The following BSN variants were observed in gnomAD, a reference collection of about 807,000 sequenced individuals.
BSN encodes bassoon presynaptic cytomatrix protein, also known as protein bassoon.
A neutral mutation model predicts 264.8 loss-of-function variants in BSN; 57 were observed. The observed-to-expected ratio is 0.22, with a 90% CI of 0.17 to 0.27. BSN has a LOEUF of 0.27. Among genes scored for constraint, BSN ranks in the 10% least tolerant of loss-of-function variants. The pLI is 1.00. For missense variants in BSN, 4,615 were observed against 5,232.5 expected (o/e 0.88, Z 3.64); for synonymous variants, 2,059 against 2,137.3 (o/e 0.96, Z 1.01).
intron 1 of BSN, among the ~76,000 whole-genome samples, chr3:49,606,423 G>A (rs1368454820): frequency 1.4e-5 from 2 of 143,094 alleles, no homozygotes; most frequent in African/African-American, 5.3e-5. Flanking sequence ...CATTCATATT[G>A]TTCTTCTAAG....
intron 1 of BSN, among the ~76,000 whole-genome samples, chr3:49,623,305 T>A (rs139493194): frequency 6.6e-6 from 1 of 152,334 alleles, no homozygotes; most frequent in East Asian, 1.9e-4. Flanking sequence ...CCCTGTTTCC[T>A]GAGTGCCAGC....
Position 49,667,625 on chromosome 3 carries a change from C to A in BSN, c.*140C>A. On this transcript the variant is annotated 3_prime_UTR_variant, in exon 12 of 12. Coordinates refer to ENST00000296452, the MANE Select transcript of BSN (RefSeq NM_003458.4). The stretch of plus-strand genomic sequence containing the variant: ...CTGGCAAACCCTTGGCCCAAAGACT[C>A]ACCAGGTGGGACGTGGCAGGCAGGC... 6.5e-6 allele frequency: 1 copy of A among 152,840 alleles called. No individual in the cohort carries two copies. The allele number at this position is 152,840 out of a possible 1,614,324, so 9.5% of individuals were successfully genotyped here.
intron 1 of BSN, among the ~76,000 whole-genome samples, chr3:49,586,500 C>A (rs2051939301): frequency 6.6e-6 from 1 of 152,106 alleles, no homozygotes; most frequent in African/African-American, 2.4e-5. Flanking sequence ...AGGCACACAC[C>A]AGCCAATTTT....
intron 1 of BSN, among the ~76,000 whole-genome samples, chr3:49,574,696 C>A (rs1293496973): frequency 1.4e-5 from 2 of 138,976 alleles, no homozygotes; most frequent in African/African-American, 5.4e-5. Flanking sequence ...AGTGCAGTGG[C>A]ACAATCTCGG....
chr3:49,622,676 C>T (rs771561171), intron 1 of BSN, among the ~76,000 whole-genome samples: 1 of 152,208 alleles, frequency 6.6e-6, no homozygotes, highest in Non-Finnish European at 1.5e-5. Context: ...CAAGGGCTGC[C>T]TTTAAACTCC....
In BSN at chr3:49,663,152, G is replaced by C; in HGVS notation, c.10994G>C (p.Arg3665Pro). ...GRHTGEEPGR[R>P]AAKPHARDLG... ...CACACTGGTGAGGAGCCGGGACGGCGTGCTGCCAAACCACACGCTCGGGAC... is the reference window on the plus strand; with the variant it reads ...CACACTGGTGAGGAGCCGGGACGGCCTGCTGCCAAACCACACGCTCGGGAC... The change falls in exon 7 of 12, where the codon CGT (arginine) becomes CCT (proline). Residue 3665 changes from arginine (R) to proline (P), a missense_variant. This residue lies in a region of BSN where 3,415 missense variants were observed against 3,866.4 expected (regional missense o/e 0.88). Coordinates refer to ENST00000296452, the MANE Select transcript of BSN (RefSeq NM_003458.4). The C allele has an allele frequency of 6.2e-7, 1 of 1,612,878 alleles. No homozygotes were observed. The highest frequency in any genetic ancestry group is 2.2e-5 in the East Asian group (1 of 44,862).
At chr3:49,645,035 C>T (rs565548577) in intron 3 of BSN, among the ~76,000 whole-genome samples, 64 of 152,266 alleles carry the variant, frequency 4.2e-4, no homozygotes, top group African/African-American at 1.3e-3. Context: ...TCTTGATGGC[C>T]GGTGTTCCCC....
intron 1 of BSN, among the ~76,000 whole-genome samples, chr3:49,614,075 T>TA (rs2052236377): frequency 6.8e-6 from 1 of 147,492 alleles, no homozygotes; most frequent in Non-Finnish European, 1.5e-5. Flanking sequence ...TTTTTTTTTT[T>TA]GTGAGACGGA....
At chr3:49,659,356 TG>T (rs2052634999) in intron 5 of BSN, among the ~76,000 whole-genome samples, 1 of 152,062 alleles carries the variant, frequency 6.6e-6, no homozygotes. Flanking sequence ...TCATGATGCG[TG>T]GCCAAAATAA....
chr3:49,572,124 A>G (rs1303170280), intron 1 of BSN, among the ~76,000 whole-genome samples: 1 of 152,228 alleles, frequency 6.6e-6, no homozygotes, highest in Non-Finnish European at 1.5e-5. Context: ...GAATACTGAA[A>G]CAGTGTTGAC....
intron 1 of BSN, among the ~76,000 whole-genome samples, chr3:49,564,282 A>G (rs1341061961): frequency 6.6e-6 from 1 of 151,958 alleles, no homozygotes; most frequent in Middle Eastern, 3.4e-3. Flanking sequence ...TTGGGCAGCT[A>G]CTCCCACACT....
At chr3:49,581,862 T>A (rs2051897846) in intron 1 of BSN, among the ~76,000 whole-genome samples, 1 of 151,926 alleles carries the variant, frequency 6.6e-6, no homozygotes, top group Admixed American at 6.6e-5. Context: ...AAAACAAACT[T>A]TGTGTATATA....
At chr3:49,576,766 C>T (rs2051847765) in intron 1 of BSN, among the ~76,000 whole-genome samples, 1 of 152,174 alleles carries the variant, frequency 6.6e-6, no homozygotes, top group Admixed American at 6.5e-5. Flanking sequence ...GTCTGCCTTG[C>T]TCAGGCTCAT....
At chr3:49,650,513 C>G (rs1177989486) in intron 3 of BSN, 99 bp from the exon 4 acceptor site, 2 of 1,175,654 alleles carry the variant, frequency 1.7e-6, no homozygotes, top group East Asian at 2.4e-5. Flanking sequence ...TTTGAAAGTT[C>G]TCTCCTCCCT....
At chr3:49,664,048 G>C (rs951806339) in intron 8 of BSN, among the ~76,000 whole-genome samples, 162 bp downstream of exon 8, 21 of 152,186 alleles carry the variant, frequency 1.4e-4, no homozygotes, top group African/African-American at 4.8e-4. Flanking sequence ...ACAAGCCTGG[G>C]GTTAGAATAA....
chr3:49,653,521 C>G lies in BSN; in HGVS notation c.3965C>G (p.Ser1322Cys), dbSNP rs1353829643. 6 of 1,613,952 alleles carry G rather than the reference C, an allele frequency of 3.7e-6. 1 individual carries two copies. In the South Asian group the frequency reaches 6.6e-5, roughly 18 times the overall value. Residue 1322 changes from serine to cysteine, a missense_variant, in exon 5 of 12, where the codon TCC becomes TGC. By Grantham distance (112) the Ser-to-Cys change is moderately radical (BLOSUM62 -1). Transcript: ENST00000296452. The surrounding 1 kb of genome is among the most constrained non-coding windows in gnomAD (Gnocchi z 6.3). Reference protein sequence around the residue: ...TSPTQLAAPVSFSTPTSSDSS... With the variant: ...TSPTQLAAPVCFSTPTSSDSS... ...CCCACCCAGCTCGCTGCCCCTGTGT[C>G]CTTCTCTACCCCCACCTCCTCAGAC...
At chr3:49,575,450 G>A (rs1279214659) in intron 1 of BSN, among the ~76,000 whole-genome samples, 5 of 146,008 alleles carry the variant, frequency 3.4e-5, no homozygotes, top group Non-Finnish European at 6.0e-5. Flanking sequence ...ATATATGTGT[G>A]TATATATGTA....
chr3:49,574,630 CTTTTTT>C (rs60300269), intron 1 of BSN, among the ~76,000 whole-genome samples: 2 of 51,930 alleles, frequency 3.9e-5, no homozygotes, highest in African/African-American at 7.1e-5. Context: ...GGTGGGGTTT[CTTTTTT>C]TTTTTTTTTT....
In BSN at chr3:49,663,524, C is replaced by T. The variant is rs757292234; in HGVS notation, c.11366C>T (p.Pro3789Leu). Residue 3789 changes from proline (P) to leucine (L), a missense_variant, in exon 7 of 12, where the codon CCC becomes CTC. Pro to Leu is a moderately conservative substitution (Grantham distance 98, BLOSUM62 -3). Transcript: ENST00000296452. ...CAGCAGCAAGGTCTTGGGCTGCAGC[C>T]CCCACAGCAGGCTCTGACACAGGCT... is the stretch of plus-strand genomic sequence containing the variant. ...QQQQQGLGLQ[P>L]PQQALTQARL... 3 of 1,612,672 alleles carry T rather than the reference C, an allele frequency of 1.9e-6. No individual in the cohort carries two copies. The highest frequency in any genetic ancestry group is 2.5e-6 in the Non-Finnish European group (3 of 1,179,874).
Sources: gnomAD v4.1 joint callset for allele counts (sites outside exome capture counted in the v4.1 genomes callset) on GRCh38, gnomAD v4.1.1 for gene constraint, gnomAD v4.1.1 regional missense constraint, Gnocchi (gnomAD v3.1) non-coding constraint, MANE v1.5 for transcripts, NCBI Gene and HGNC (gene_info 2026-07-23, HGNC 2026-07-21) for gene names.